The following GABRG3 variants were observed in gnomAD, a reference collection of about 807,000 sequenced individuals.
GABRG3 encodes the protein gamma-aminobutyric acid type A receptor subunit gamma3.
A neutral mutation model predicts 48.8 loss-of-function variants in GABRG3; 25 were observed. The observed-to-expected ratio is 0.51, with a 90% confidence interval of 0.37 to 0.72. The LOEUF (loss-of-function observed/expected upper bound fraction) is 0.72, where lower values mean the gene tolerates loss of function less well. Ranked by LOEUF, GABRG3 falls within the 30% of genes least tolerant of loss-of-function variation. GABRG3 has a pLI of 0.00. For missense variants in GABRG3, 394 were observed against 577.9 expected (o/e 0.68, Z 3.26); for synonymous variants, 227 against 217.6 (o/e 1.04, Z -0.38).
At chr15:27,418,344 G>A (rs1335841518) in intron 5 of GABRG3, among the ~76,000 whole-genome samples, 1 of 152,234 alleles carries the variant, frequency 6.6e-6, no homozygotes, top group Non-Finnish European at 1.5e-5. Flanking sequence ...CAGCAAGGCT[G>A]TCCAGGAGGA....
At chr15:27,191,443 T>C (rs1327813869) in intron 3 of GABRG3, among the ~76,000 whole-genome samples, 1 of 152,214 alleles carries the variant, frequency 6.6e-6, no homozygotes, top group Non-Finnish European at 1.5e-5. Flanking sequence ...GATAGTTAGC[T>C]CTTCTTGTTG....
At chr15:27,339,336 C>G (rs1894086259) in intron 5 of GABRG3, among the ~76,000 whole-genome samples, 1 of 152,230 alleles carries the variant, frequency 6.6e-6, no homozygotes, top group African/African-American at 2.4e-5. Context: ...TGCGGCATGT[C>G]CAGCATCCTG....
chr15:27,204,479 C>T (rs753493382), intron 3 of GABRG3, among the ~76,000 whole-genome samples: 2 of 152,030 alleles, frequency 1.3e-5, no homozygotes, highest in East Asian at 3.9e-4. Flanking sequence ...GTGATGCTTC[C>T]AGCTTTGTTC....
At chr15:27,353,001 C>A (rs942247609) in intron 5 of GABRG3, among the ~76,000 whole-genome samples, 1 of 152,126 alleles carries the variant, frequency 6.6e-6, no homozygotes, top group Middle Eastern at 3.2e-3. Context: ...ACAAACCTCC[C>A]GACTTCTGTG....
chr15:27,402,951 C>T (rs1013485114), intron 5 of GABRG3, among the ~76,000 whole-genome samples: 2 of 152,104 alleles, frequency 1.3e-5, no homozygotes, highest in African/African-American at 2.4e-5. Context: ...AGAGCATGTA[C>T]CTATGTGATC....
chr15:27,225,907 G>C (rs550710345), intron 3 of GABRG3, among the ~76,000 whole-genome samples: 38 of 152,270 alleles, frequency 2.5e-4, no homozygotes, highest in African/African-American at 9.2e-4. Flanking sequence ...GAGGAGCCCA[G>C]ATGAGAGACC....
At chr15:27,095,810 C>G (rs1365988731) in intron 3 of GABRG3, among the ~76,000 whole-genome samples, 2 of 152,110 alleles carry the variant, frequency 1.3e-5, no homozygotes, top group Admixed American at 1.3e-4. Context: ...CTGGCTCTGC[C>G]TCTTCTGACT....
chr15:27,519,628 T>C lies in GABRG3; in HGVS notation c.713-344T>C, dbSNP rs112599913. On this transcript the variant is annotated intron_variant, in intron 6 of 9. Transcript: ENST00000615808. ...TCTGTTTGAGGGTTGAGTTTACCTG[T>C]TACTCTTGAATTTAATTGTACAACC... Among the ~76,000 whole-genome samples, 321 of 152,290 alleles carry C rather than the reference T, an allele frequency of 2.1e-3. 1 individual carries two copies. Among genetic ancestry groups the C allele is most frequent in the African/African-American group, 6.6e-3 (272 of 41,520 alleles).
At chr15:27,469,230 G>T (rs541744342) in intron 5 of GABRG3, among the ~76,000 whole-genome samples, 1 of 151,996 alleles carries the variant, frequency 6.6e-6, no homozygotes, top group Admixed American at 6.6e-5. Context: ...CTCAGCCCAC[G>T]TGCCATTTCT....
chr15:27,186,015 C>CTTTTTTTTTTTTTTTTTTAATTT (rs10580180), intron 3 of GABRG3, among the ~76,000 whole-genome samples: 2 of 131,306 alleles, frequency 1.5e-5, no homozygotes, highest in Non-Finnish European at 1.7e-5. Flanking sequence ...GTATTTAAAT[C>CTTTTTTTTTTTTTTTTTTAATTT]TTTTTTTTTT....
At position 27,159,012 on chromosome 15, in the gene GABRG3, G is replaced by A. The variant is rs146957023; in HGVS notation, c.270+132191G>A. ...CATTGTAGTCAGGAAGTCATGTACA[G>A]TGTTCTCTCCAAACCGCTCACTTTG... On this transcript the variant is annotated intron_variant, in intron 3 of 9. Transcript: ENST00000615808. 9.9e-5 allele frequency among the ~76,000 whole-genome samples: 15 copies of A among 152,276 alleles called. 1 individual carries two copies. The highest frequency in any genetic ancestry group is 4.1e-4 in the South Asian group (2 of 4,822).
chr15:27,229,566 T>C (rs1387485771), intron 3 of GABRG3, among the ~76,000 whole-genome samples: 1 of 152,002 alleles, frequency 6.6e-6, no homozygotes, highest in Non-Finnish European at 1.5e-5. Flanking sequence ...AACTTCTACC[T>C]CCCGGGTTCA....
chr15:27,211,356 G>A (rs1359394265), intron 3 of GABRG3, among the ~76,000 whole-genome samples: 3 of 152,160 alleles, frequency 2.0e-5, no homozygotes, highest in South Asian at 2.1e-4. Flanking sequence ...ACAACAAGAC[G>A]TTTGATGTAA....
chr15:27,416,279 T>C (rs1887937779), intron 5 of GABRG3, among the ~76,000 whole-genome samples: 1 of 152,176 alleles, frequency 6.6e-6, no homozygotes, highest in Non-Finnish European at 1.5e-5. Flanking sequence ...AGTCCTGTGA[T>C]TGGGTCTCAG....
chr15:27,180,093 G>A lies in GABRG3; in HGVS notation c.271-146716G>A, dbSNP rs1887878315. Among the ~76,000 whole-genome samples, 2 of 152,174 alleles carry A rather than the reference G, an allele frequency of 1.3e-5. No homozygotes were observed. Among genetic ancestry groups the A allele is most frequent in the South Asian group, 4.1e-4 (2 of 4,826 alleles). ...GAGTCTTGGCCTTCCCCAGGAGACT[G>A]TGGGGCTCGTTGCACTTGTTTTACC... On this transcript the variant is annotated intron_variant, in intron 3 of 9. Coordinates refer to ENST00000615808, the MANE Select transcript of GABRG3 (RefSeq NM_033223.5). This position sits in a 1 kb window ranked among gnomAD's most constrained non-coding sequence, Gnocchi z 4.2.
intron 5 of GABRG3, chr15:27,364,608 C>A (rs1326433817): frequency 2.6e-5 from 4 of 152,206 alleles, no homozygotes; most frequent in Non-Finnish European, 5.9e-5. Flanking sequence ...TCTGGTTTTT[C>A]ACCAACACTG....
intron 4 of GABRG3, among the ~76,000 whole-genome samples, chr15:27,327,608 G>C (rs1195989963): frequency 6.6e-6 from 1 of 152,186 alleles, no homozygotes; most frequent in African/African-American, 2.4e-5. Flanking sequence ...CAGCAACACA[G>C]CACTAGCAAT....
Position 27,534,769 on chromosome 15 carries a change from A to G in GABRG3, c.*1888A>G, listed in dbSNP as rs555209395. 32 of 152,338 alleles carry G rather than the reference A, an allele frequency of 2.1e-4. No individual in the cohort carries two copies. The highest frequency in any genetic ancestry group is 1.0e-3 in the South Asian group (5 of 4,828). The allele number at this position is 152,338 out of a possible 1,614,324, so 9.4% of individuals were successfully genotyped here. On this transcript the variant is annotated 3_prime_UTR_variant, in exon 10 of 10. Transcript: ENST00000615808. The stretch of plus-strand genomic sequence containing the variant: ...TGCTTATTCCTATTAAGATTGTTGC[A>G]TATTAAACGGATGCAAAGATATAGA...
intron 5 of GABRG3, among the ~76,000 whole-genome samples, chr15:27,332,398 A>G (rs1000424601): frequency 1.3e-5 from 2 of 152,078 alleles, no homozygotes; most frequent in Non-Finnish European, 2.9e-5. Context: ...CCAGCTCGGG[A>G]GGCTGAGGCA....
Sources: gnomAD v4.1 joint callset for allele counts (sites outside exome capture counted in the v4.1 genomes callset) on GRCh38, gnomAD v4.1.1 for gene constraint, Gnocchi (gnomAD v3.1) non-coding constraint, MANE v1.5 for transcripts, NCBI Gene and HGNC (gene_info 2026-07-23, HGNC 2026-07-21) for gene names.